CLSTN2: variants seen among roughly 807,000 people sequenced by gnomAD.
CLSTN2 encodes calsyntenin 2, also known as calsyntenin-2.
CLSTN2 carries 48 observed loss-of-function variants against 101.2 expected under a neutral mutation model. That is an observed-to-expected ratio of 0.47 (90% CI 0.38 to 0.60). The LOEUF (loss-of-function observed/expected upper bound fraction) is 0.60. CLSTN2 is among the 20% of genes least tolerant of loss of function. CLSTN2 has a pLI of 0.00. For synonymous variants in CLSTN2, 481 were observed against 463.6 expected, an observed-to-expected ratio of 1.04 and a Z score of -0.48; for missense variants, 1,160 against 1,238.2, an observed-to-expected ratio of 0.94 and a Z score of 0.95.
At chr3:140,437,588 C>T (rs542197177) in intron 5 of CLSTN2, among the ~76,000 whole-genome samples, 1 of 152,322 alleles carries the variant, frequency 6.6e-6, no homozygotes, top group East Asian at 1.9e-4. Context: ...GTGTGGGGCT[C>T]ACACTTGCCA....
rs1559870225 is a variant in CLSTN2, at chr3:140,439,703, GCACACACATGTGCACATGCAAA to G, written c.788-8807_788-8786del. On this transcript the variant is annotated intron_variant, in intron 5 of 16. Transcript: ENST00000458420. ...GGTGGGGGGTGTGCACACATACACA[GCACACACATGTGCACATGCAAA>G]CACACACACGTGCACGTGCACACAC... Among the ~76,000 whole-genome samples, 7 of 152,154 alleles carry G rather than the reference GCACACACATGTGCACATGCAAA, an allele frequency of 4.6e-5. No homozygotes were observed. In the South Asian group the frequency reaches 1.2e-3, roughly 27 times the overall value.
chr3:140,169,286 T>C (rs867291384), intron 1 of CLSTN2, among the ~76,000 whole-genome samples: 1 of 152,174 alleles, frequency 6.6e-6, no homozygotes. Flanking sequence ...AAATTTCCAA[T>C]TGTTGATTTC....
At chr3:140,182,719 G>A (rs994238569) in intron 2 of CLSTN2, among the ~76,000 whole-genome samples, 1 of 152,092 alleles carries the variant, frequency 6.6e-6, no homozygotes, top group African/African-American at 2.4e-5. Flanking sequence ...CCACCATCTG[G>A]GCTACTGCCT....
chr3:139,982,989 T>C (rs899203588), intron 1 of CLSTN2, among the ~76,000 whole-genome samples: 2 of 76,868 alleles, frequency 2.6e-5, no homozygotes, highest in Non-Finnish European at 5.7e-5. Flanking sequence ...ATATATAGTG[T>C]ATATATATAA....
chr3:140,321,677 A>T (rs901540531), intron 2 of CLSTN2, among the ~76,000 whole-genome samples: 4 of 152,168 alleles, frequency 2.6e-5, no homozygotes, highest in African/African-American at 9.6e-5. Flanking sequence ...TGGAGCCCTC[A>T]GATAACCCGA....
chr3:140,537,344 A>T (rs1465945746), intron 9 of CLSTN2, among the ~76,000 whole-genome samples: 1 of 152,212 alleles, frequency 6.6e-6, no homozygotes, highest in South Asian at 2.1e-4. Flanking sequence ...AGCCAAAATA[A>T]ACACTGAGAC....
At chr3:140,230,118 T>G (rs1309754172) in intron 2 of CLSTN2, among the ~76,000 whole-genome samples, 2 of 151,878 alleles carry the variant, frequency 1.3e-5, no homozygotes, top group African/African-American at 2.4e-5. Context: ...AGCGGATGAT[T>G]GGAATGGATG....
At chr3:139,999,203 G>T (rs2107746732) in intron 1 of CLSTN2, among the ~76,000 whole-genome samples, 1 of 152,266 alleles carries the variant, frequency 6.6e-6, no homozygotes, top group Admixed American at 6.5e-5. Flanking sequence ...TTTAGATACA[G>T]GGGGTACATG....
intron 2 of CLSTN2, among the ~76,000 whole-genome samples, chr3:140,327,060 A>G (rs2087338874): frequency 6.6e-6 from 1 of 152,250 alleles, no homozygotes; most frequent in South Asian, 2.1e-4. Flanking sequence ...AGCTCTTGGC[A>G]AACAGGTCAG....
At chr3:140,113,462 T>G (rs188221029) in intron 1 of CLSTN2, among the ~76,000 whole-genome samples, 2 of 152,214 alleles carry the variant, frequency 1.3e-5, no homozygotes, top group Non-Finnish European at 2.9e-5. Context: ...ACAGAGCACT[T>G]GTCTGAGCCG....
At chr3:140,245,142 G>GTT (rs2086504618) in intron 2 of CLSTN2, among the ~76,000 whole-genome samples, 1 of 152,172 alleles carries the variant, frequency 6.6e-6, no homozygotes. Context: ...ATAACCACGT[G>GTT]TTCCAGGGCT....
intron 2 of CLSTN2, among the ~76,000 whole-genome samples, chr3:140,270,723 C>A (rs1379279572): frequency 6.6e-6 from 1 of 152,188 alleles, no homozygotes; most frequent in East Asian, 1.9e-4. Flanking sequence ...GCAAGTGCCA[C>A]AAGGACACTC....
intron 1 of CLSTN2, among the ~76,000 whole-genome samples, chr3:140,069,214 A>T (rs1474446082): frequency 6.6e-6 from 1 of 152,076 alleles, no homozygotes; most frequent in Non-Finnish European, 1.5e-5. Context: ...TGAGGACATA[A>T]CCCTCCCTCT....
Position 140,225,474 on chromosome 3 carries a change from G to A in CLSTN2, c.232+49401G>A, listed in dbSNP as rs139749083. ...CAAATATTTTATGCAAGATGAATAC[G>A]GGCACTGACATTTTTGTTTGTTTGT... On this transcript the variant is annotated intron_variant, in intron 2 of 16. Transcript: ENST00000458420. Among the ~76,000 whole-genome samples, 370 of 146,050 alleles carry A rather than the reference G, an allele frequency of 2.5e-3. 3 individuals carry two copies. The highest frequency in any genetic ancestry group is 8.7e-3 in the African/African-American group (344 of 39,748).
intron 1 of CLSTN2, among the ~76,000 whole-genome samples, chr3:140,174,369 A>C (rs1240839124): frequency 6.6e-6 from 1 of 152,226 alleles, no homozygotes; most frequent in Non-Finnish European, 1.5e-5. Context: ...GGGCAAAGCC[A>C]TTCAACAAGT....
At chr3:140,288,576 C>T (rs138993550) in intron 2 of CLSTN2, among the ~76,000 whole-genome samples, 144 of 152,300 alleles carry the variant, frequency 9.5e-4, no homozygotes, top group African/African-American at 3.3e-3. Context: ...AAGTCCAAGA[C>T]ATCATTTCTG....
intron 2 of CLSTN2, among the ~76,000 whole-genome samples, chr3:140,355,888 G>C (rs2087666009): frequency 6.6e-6 from 1 of 152,112 alleles, no homozygotes; most frequent in Non-Finnish European, 1.5e-5. Flanking sequence ...TGTGCTTTTT[G>C]CCTTCTAAAA....
At chr3:140,035,298 G>C (rs1372244310) in intron 1 of CLSTN2, among the ~76,000 whole-genome samples, 1 of 152,236 alleles carries the variant, frequency 6.6e-6, no homozygotes, top group African/African-American at 2.4e-5. Context: ...GAATCACTAA[G>C]TAAGTAGCAA....
intron 1 of CLSTN2, among the ~76,000 whole-genome samples, chr3:140,087,372 C>T (rs1426713342): frequency 6.6e-6 from 1 of 152,186 alleles, no homozygotes; most frequent in Non-Finnish European, 1.5e-5. Flanking sequence ...TGTAGCCATT[C>T]TTCTTATTGA....
Sources: gnomAD v4.1 joint callset for allele counts (sites outside exome capture counted in the v4.1 genomes callset) on GRCh38, gnomAD v4.1.1 for gene constraint, MANE v1.5 for transcripts, NCBI Gene and HGNC (gene_info 2026-07-23, HGNC 2026-07-21) for gene names.